Variants in KCNQ5 observed in about 807,000 individuals in gnomAD.
KCNQ5 encodes potassium voltage-gated channel subfamily KQT member 5.
In KCNQ5, 30 loss-of-function variants were observed where a neutral mutation model predicts 98.2. The ratio of observed to expected loss-of-function variants is 0.31; its 90% confidence interval spans 0.23 to 0.41. The LOEUF is 0.41. Ranked by LOEUF, KCNQ5 falls within the 10% of genes least tolerant of loss-of-function variation. The pLI is 1.00. For synonymous variants in KCNQ5, 458 were observed against 449.4 expected, an observed-to-expected ratio of 1.02 and a Z score of -0.24; for missense variants, 835 against 1,182.5, an observed-to-expected ratio of 0.71 and a Z score of 4.31.
At chr6:72,885,154 C>T (rs1335318329) in intron 1 of KCNQ5, among the ~76,000 whole-genome samples, 4 of 152,126 alleles carry the variant, frequency 2.6e-5, no homozygotes, top group African/African-American at 7.2e-5. Flanking sequence ...CAAAAATTAG[C>T]TTGTATTATT....
chr6:72,669,333 G>A (rs1362384122), intron 1 of KCNQ5, among the ~76,000 whole-genome samples: 1 of 152,188 alleles, frequency 6.6e-6, no homozygotes, highest in Admixed American at 6.5e-5. Context: ...GATGGATCCC[G>A]AACAAGTCAA....
intron 1 of KCNQ5, among the ~76,000 whole-genome samples, chr6:72,974,578 C>T (rs1768067099): frequency 1.3e-5 from 2 of 152,140 alleles, no homozygotes; most frequent in African/African-American, 2.4e-5. Flanking sequence ...GAAGCATTGA[C>T]ATCAGAGTAT....
At chr6:72,712,390 A>AGC (rs1769416628) in intron 1 of KCNQ5, among the ~76,000 whole-genome samples, 1 of 152,246 alleles carries the variant, frequency 6.6e-6, no homozygotes, top group African/African-American at 2.4e-5. Flanking sequence ...AGCATGCAGC[A>AGC]GCAAGCCTAG....
At chr6:73,042,274 TGAA>T in intron 3 of KCNQ5, 1 of 581,194 alleles carries the variant, frequency 1.7e-6, no homozygotes, top group Admixed American at 2.9e-5. Flanking sequence ...ATTTTACAGT[TGAA>T]GAATTTGAGG....
rs1772427278 is a variant in KCNQ5 at position 73,055,255 on chromosome 6, C to A, written c.616+13193C>A. 3.1e-6 allele frequency: 4 copies of A among 1,294,664 alleles called. No homozygotes were observed. The East Asian group carries it at 6.9e-5, about 22-fold the overall frequency. The allele number at this position is 1,294,664 out of a possible 1,614,324, so 80.2% of individuals were successfully genotyped here. The stretch of plus-strand genomic sequence containing the variant: ...CTGGCTATGAGTTTGACATCTGCTT[C>A]ACCTCATTGCAGAAGAGAGCGATCC... On this transcript the variant is annotated intron_variant, in intron 3 of 13. Coordinates refer to ENST00000370398, the MANE Select transcript of KCNQ5 (RefSeq NM_019842.4).
At chr6:73,150,124 C>A (rs1161293111) in intron 10 of KCNQ5, among the ~76,000 whole-genome samples, 1 of 151,742 alleles carries the variant, frequency 6.6e-6, no homozygotes, top group Non-Finnish European at 1.5e-5. Context: ...ATATCATTAG[C>A]CCCATGGGGA....
At chr6:72,910,100 C>T (rs1430701031) in intron 1 of KCNQ5, among the ~76,000 whole-genome samples, 18 of 152,040 alleles carry the variant, frequency 1.2e-4, no homozygotes, top group Non-Finnish European at 1.9e-4. Flanking sequence ...TTGAATTGCA[C>T]GGTTACAAAC....
chr6:72,655,026 G>GTCTTTCTTTCTT lies in KCNQ5; in HGVS notation c.398+32499_398+32510dup, dbSNP rs55711635. ...CATGTTTAATAGCCAAGGTCTGTCT[G>GTCTTTCTTTCTT]TCTTTCTTTCTTTCTTTCTTTCTTT... On this transcript the variant is annotated intron_variant, in intron 1 of 13. Transcript: ENST00000370398. Among the ~76,000 whole-genome samples, 443 of 105,792 alleles carry GTCTTTCTTTCTT rather than the reference G, an allele frequency of 4.2e-3. 7 individuals carry two copies. The highest frequency in any genetic ancestry group is 5.6e-3 in the Non-Finnish European group (282 of 50,156). The allele number at this position is 105,792 out of a possible 152,430, so 69.4% of individuals were successfully genotyped here. A position where few individuals can be genotyped will look rare whatever the true frequency, so the allele number is the denominator to read the frequency against.
intron 1 of KCNQ5, among the ~76,000 whole-genome samples, chr6:72,722,941 C>T (rs949226804): frequency 6.7e-6 from 1 of 149,402 alleles, no homozygotes; most frequent in Admixed American, 6.7e-5. Flanking sequence ...CCTTGACTTC[C>T]TGGGTTCAGG....
intron 1 of KCNQ5, among the ~76,000 whole-genome samples, chr6:72,695,395 C>T (rs906166424): frequency 6.6e-6 from 1 of 152,032 alleles, no homozygotes; most frequent in Non-Finnish European, 1.5e-5. Flanking sequence ...TAAATATTCC[C>T]GTACTTTCCT....
At chr6:72,810,845 C>A (rs2150104104) in intron 1 of KCNQ5, among the ~76,000 whole-genome samples, 1 of 152,304 alleles carries the variant, frequency 6.6e-6, no homozygotes, top group East Asian at 1.9e-4. Context: ...ACAATTTTCC[C>A]CAGCTACAAC....
intron 1 of KCNQ5, among the ~76,000 whole-genome samples, chr6:72,851,386 G>A (rs1435765925): frequency 6.6e-6 from 1 of 152,116 alleles, no homozygotes; most frequent in Non-Finnish European, 1.5e-5. Flanking sequence ...CAGGAACTGA[G>A]CTCATTTCCA....
At chr6:72,875,779 G>A (rs1413896591) in intron 1 of KCNQ5, among the ~76,000 whole-genome samples, 1 of 151,784 alleles carries the variant, frequency 6.6e-6, no homozygotes, top group African/African-American at 2.4e-5. Flanking sequence ...AACATATAAT[G>A]AATAATATTA....
intron 1 of KCNQ5, among the ~76,000 whole-genome samples, chr6:72,995,623 A>G (rs905115081): frequency 1.3e-4 from 20 of 152,284 alleles, no homozygotes; most frequent in Non-Finnish European, 1.8e-4. Context: ...GGTACCTGAT[A>G]GGGGTGCTCC....
Position 73,194,647 on chromosome 6 carries a change from A to G in KCNQ5, c.2032A>G (p.Arg678Gly). Residue 678 changes from arginine (R) to glycine (G), a missense_variant, in exon 14 of 14, where the codon AGA becomes GGA. This residue lies in a region of KCNQ5 where 416 missense variants were observed against 446.9 expected (regional missense o/e 0.93). Coordinates refer to ENST00000370398, the MANE Select transcript of KCNQ5 (RefSeq NM_019842.4). The part of the protein sequence containing the change: ...GSAQNSGCLS[R>G]STSANISRGL... ...CGCACAAAACAGTGGCTGCTTATCC[A>G]GATCAACTAGTGCCAACATCTCGAG... 1 of 1,614,256 alleles carries G rather than the reference A, an allele frequency of 6.2e-7. No individual in the cohort carries two copies. Among genetic ancestry groups the G allele is most frequent in the Non-Finnish European group, 8.5e-7 (1 of 1,180,048 alleles).
At chr6:73,193,337 G>A (rs1410019297) in intron 13 of KCNQ5, among the ~76,000 whole-genome samples, 1 of 151,546 alleles carries the variant, frequency 6.6e-6, no homozygotes, top group Non-Finnish European at 1.5e-5. Flanking sequence ...CCTTTTAAAA[G>A]TAAAACAAGG....
intron 1 of KCNQ5, among the ~76,000 whole-genome samples, chr6:73,003,581 TGG>T (rs950899393): frequency 1.3e-5 from 2 of 152,104 alleles, no homozygotes; most frequent in African/African-American, 4.8e-5. Flanking sequence ...ACATACTTTC[TGG>T]GCCTCTCTCA....
At chr6:73,013,632 T>C (rs1464188335) in intron 2 of KCNQ5, among the ~76,000 whole-genome samples, 1 of 152,170 alleles carries the variant, frequency 6.6e-6, no homozygotes, top group Non-Finnish European at 1.5e-5. Flanking sequence ...AAATAAGTTG[T>C]GCAAGATAAC....
At chr6:73,102,092 C>T (rs367907898) in intron 5 of KCNQ5, among the ~76,000 whole-genome samples, 2 of 152,062 alleles carry the variant, frequency 1.3e-5, no homozygotes, top group South Asian at 4.1e-4. Context: ...GAAACAAATC[C>T]GTACATCCAC....
Sources: allele counts gnomAD v4.1 joint callset (sites outside exome capture counted in the v4.1 genomes callset), GRCh38; gene constraint gnomAD v4.1.1; regional missense constraint gnomAD v4.1.1; transcripts MANE v1.5; gene names NCBI Gene and HGNC (gene_info 2026-07-23, HGNC 2026-07-21).